RCSD1: variants seen among roughly 807,000 people sequenced by gnomAD.
RCSD1 encodes RCSD domain containing 1.
Under a neutral mutation model 42.5 loss-of-function variants are expected in RCSD1, and 26 were observed. That is an observed-to-expected ratio of 0.61 (90% CI 0.45 to 0.85). RCSD1 has a LOEUF of 0.85. RCSD1 is among the 40% of genes least tolerant of loss of function. The pLI, the probability that RCSD1 is intolerant of heterozygous loss-of-function variation, is 0.00. For synonymous variants in RCSD1, 220 were observed against 212.2 expected (o/e 1.04, Z -0.32); for missense variants, 571 against 528.3 (o/e 1.08, Z -0.79).
chr1:167,666,257 A>T (rs1214904712), intron 1 of RCSD1, among the ~76,000 whole-genome samples: 1 of 152,198 alleles, frequency 6.6e-6, no homozygotes, highest in Non-Finnish European at 1.5e-5. Flanking sequence ...ACAACCCATA[A>T]TTCAGTTACT....
Position 167,696,259 on chromosome 1 carries a change from T to C in RCSD1, c.475-840T>C, listed in dbSNP as rs999537762. 2.6e-5 allele frequency among the ~76,000 whole-genome samples: 4 copies of C among 152,266 alleles called. No homozygotes were observed. In the South Asian group the frequency reaches 8.3e-4, roughly 32 times the overall value. ...ACAATTTTCAAATTTTTCAAAATTT[T>C]ACAGTGCAATAAAATCATAAGTTAT... On this transcript the variant is annotated intron_variant, in intron 5 of 6. Transcript: ENST00000367854.
rs554508419 is a variant in RCSD1 at position 167,684,074 on chromosome 1, G to A, written c.108+73G>A. On this transcript the variant is annotated intron_variant, in intron 2 of 6. Transcript: ENST00000367854. ...AAAGGGAAATCTGGTCAGGCCCAGC[G>A]GAGAGGGAGGGAGGAGGCTTGGTAG... 8.2e-5 allele frequency: 99 copies of A among 1,207,632 alleles called. No individual in the cohort carries two copies. In the East Asian group the frequency reaches 2.1e-3, roughly 26 times the overall value. The allele number at this position is 1,207,632 out of a possible 1,614,324, so 74.8% of individuals were successfully genotyped here.
intron 1 of RCSD1, among the ~76,000 whole-genome samples, chr1:167,652,259 T>C (rs1658331161): frequency 6.6e-6 from 1 of 152,104 alleles, no homozygotes. Flanking sequence ...TGGCCTCAGG[T>C]GATCTGCCAG....
rs1657679916 is a variant in RCSD1, at chr1:167,630,829, G to A, written c.6+400G>A. On this transcript the variant is annotated intron_variant, in intron 1 of 6. Transcript: ENST00000367854. ...CAAGAAGGCAGAAGCCCTTCAATCT[G>A]AAGAGATGGGTATTGAAAGAGAAAC... Among the ~76,000 whole-genome samples, 4 of 145,788 alleles carry A rather than the reference G, an allele frequency of 2.7e-5. No homozygotes were observed. The South Asian group carries it at 6.6e-4, about 24-fold the overall frequency.
intron 1 of RCSD1, among the ~76,000 whole-genome samples, chr1:167,667,788 T>G (rs538721479): frequency 1.1e-4 from 17 of 152,292 alleles, no homozygotes; most frequent in African/African-American, 4.1e-4. Context: ...CATTTTTGCT[T>G]CAAGGTCCTG....
intron 1 of RCSD1, chr1:167,642,111 C>A (rs1411624950): frequency 6.6e-6 from 1 of 152,164 alleles, no homozygotes; most frequent in African/African-American, 2.4e-5. Context: ...TTGGAAGGTT[C>A]CTAACTATCC....
At chr1:167,675,985 C>T (rs1439995669) in intron 1 of RCSD1, among the ~76,000 whole-genome samples, 1 of 152,158 alleles carries the variant, frequency 6.6e-6, no homozygotes, top group Non-Finnish European at 1.5e-5. Context: ...AGGAATGCTG[C>T]TAGCCCCATA....
intron 1 of RCSD1, among the ~76,000 whole-genome samples, chr1:167,632,512 G>T (rs61806250): frequency 6.6e-5 from 10 of 152,166 alleles, no homozygotes; most frequent in Non-Finnish European, 1.3e-4. Context: ...TTCCTGTGTG[G>T]CTTGGGGGGT....
intron 1 of RCSD1, among the ~76,000 whole-genome samples, chr1:167,651,890 G>T (rs1260082351): frequency 6.6e-6 from 1 of 152,122 alleles, no homozygotes; most frequent in Non-Finnish European, 1.5e-5. Context: ...TTATCTGGGG[G>T]TTGGGTCCAG....
rs775821749 is a variant in RCSD1 at position 167,684,013 on chromosome 1, C to A, written c.108+12C>A. On this transcript the variant is annotated intron_variant, in intron 2 of 6. Transcript: ENST00000367854. ...CTGCAGCCAAGGAGGTGAGTCAGGC[C>A]GCTTCAGAGCAGCCTCTTCAGCAGC... 1 of 1,602,090 alleles carries A rather than the reference C, an allele frequency of 6.2e-7. No homozygotes were observed. The highest frequency in any genetic ancestry group is 8.5e-7 in the Non-Finnish European group (1 of 1,171,232).
At chr1:167,645,837 A>G (rs1367278306) in intron 1 of RCSD1, among the ~76,000 whole-genome samples, 1 of 152,192 alleles carries the variant, frequency 6.6e-6, no homozygotes, top group African/African-American at 2.4e-5. Context: ...GAGGTGGTGC[A>G]CACGTTAGGG....
intron 1 of RCSD1, among the ~76,000 whole-genome samples, chr1:167,678,292 T>C (rs148428135): frequency 2.6e-5 from 4 of 152,266 alleles, no homozygotes; most frequent in Non-Finnish European, 5.9e-5. Flanking sequence ...TGGGTATATA[T>C]TCAACCTCCT....
chr1:167,679,031 T>C (rs1053419199), intron 1 of RCSD1, among the ~76,000 whole-genome samples: 3 of 152,250 alleles, frequency 2.0e-5, no homozygotes, highest in Non-Finnish European at 2.9e-5. Flanking sequence ...TGTTTATTGC[T>C]GAAGTAGCAA....
At chr1:167,701,647 A>C (rs928699775) in intron 6 of RCSD1, among the ~76,000 whole-genome samples, 2 of 152,166 alleles carry the variant, frequency 1.3e-5, no homozygotes, top group Non-Finnish European at 2.9e-5. Flanking sequence ...AAGAGAGGAC[A>C]GGAGTTGTCC....
At chr1:167,637,891 C>T (rs771866951) in intron 1 of RCSD1, among the ~76,000 whole-genome samples, 7 of 152,214 alleles carry the variant, frequency 4.6e-5, no homozygotes, top group Non-Finnish European at 1.0e-4. Flanking sequence ...ACAAGGGATG[C>T]ACCAGGGTGG....
intron 3 of RCSD1, among the ~76,000 whole-genome samples, chr1:167,688,052 C>G (rs1209719628): frequency 1.3e-5 from 2 of 152,234 alleles, no homozygotes; most frequent in African/African-American, 4.8e-5. Flanking sequence ...GATTGTTAGT[C>G]TCAGCCGCTT....
chr1:167,657,514 T>A (rs1658449892), intron 1 of RCSD1, among the ~76,000 whole-genome samples: 1 of 152,216 alleles, frequency 6.6e-6, no homozygotes, highest in Non-Finnish European at 1.5e-5. Flanking sequence ...TAAATTTTGG[T>A]AAGCCTCATA....
At chr1:167,632,246 G>A (rs1371964265) in intron 1 of RCSD1, among the ~76,000 whole-genome samples, 1 of 152,242 alleles carries the variant, frequency 6.6e-6, no homozygotes, top group African/African-American at 2.4e-5. Context: ...TTCTGGAAGT[G>A]TACAAACTGC....
Position 167,694,314 on chromosome 1 carries a change from C to T in RCSD1, c.474+12C>T. 6.2e-7 allele frequency: 1 copy of T among 1,611,846 alleles called. No individual in the cohort carries two copies. The highest frequency in any genetic ancestry group is 8.5e-7 in the Non-Finnish European group (1 of 1,178,796). On this transcript the variant is annotated intron_variant, in intron 5 of 6. Transcript: ENST00000367854. ...CCTGTTACAACAAGGTAAATTCTAG[C>T]TCCAGATTATGGCGGTGTGTCTGTG...
Sources: gnomAD v4.1 joint callset for allele counts (sites outside exome capture counted in the v4.1 genomes callset) on GRCh38, gnomAD v4.1.1 for gene constraint, MANE v1.5 for transcripts, NCBI Gene and HGNC (gene_info 2026-07-23, HGNC 2026-07-21) for gene names.